ARID1B: variants seen among roughly 807,000 people sequenced by gnomAD.
The protein encoded by ARID1B is AT-rich interactive domain-containing protein 1B.
Under a neutral mutation model 212.3 loss-of-function variants are expected in ARID1B, and 30 were observed. That is an observed-to-expected ratio of 0.14 (90% CI 0.11 to 0.19). ARID1B has a LOEUF of 0.19. ARID1B is among the 10% of genes least tolerant of loss of function. The pLI is 1.00. For missense variants in ARID1B, 2,891 were observed against 3,204.0 expected (o/e 0.90, Z 2.36); for synonymous variants, 1,402 against 1,301.7 (o/e 1.08, Z -1.66).
At chr6:157,073,112 T>C (rs946808286) in intron 4 of ARID1B, among the ~76,000 whole-genome samples, 10 of 151,534 alleles carry the variant, frequency 6.6e-5, no homozygotes, top group Non-Finnish European at 5.9e-5. Flanking sequence ...CTTTTTTTTT[T>C]TTTTTTTGGA....
intron 4 of ARID1B, among the ~76,000 whole-genome samples, chr6:156,986,406 TA>T (rs1562529423): frequency 6.6e-6 from 1 of 152,218 alleles, no homozygotes; most frequent in Admixed American, 6.5e-5. Flanking sequence ...AAAGTTTGTC[TA>T]ATTATTTTTA....
chr6:157,137,464 AGTTT>A (rs1168978635), intron 7 of ARID1B, among the ~76,000 whole-genome samples: 2 of 152,192 alleles, frequency 1.3e-5, no homozygotes, highest in Non-Finnish European at 2.9e-5. Flanking sequence ...TTAATAAGTG[AGTTT>A]GTATGGGAAA....
At chr6:157,020,668 G>T (rs1780178567) in intron 4 of ARID1B, among the ~76,000 whole-genome samples, 1 of 152,146 alleles carries the variant, frequency 6.6e-6, no homozygotes, top group South Asian at 2.1e-4. Context: ...AACAGTGGTG[G>T]TTTCAAACTA....
rs200408920 is a variant in ARID1B, at chr6:157,126,325, G to A, written c.2582-6703G>A. ...AAAGGAGCCTGTGGACCCACACAGCGAATGGGAGACGCAGCCTCTAAACAG... is the reference window on the plus strand; with the variant it reads ...AAAGGAGCCTGTGGACCCACACAGCAAATGGGAGACGCAGCCTCTAAACAG... On this transcript the variant is annotated intron_variant, in intron 6 of 19. Coordinates refer to ENST00000636930, the MANE Select transcript of ARID1B (RefSeq NM_001374828.1). 1.1e-4 allele frequency among the ~76,000 whole-genome samples: 16 copies of A among 152,272 alleles called. No individual in the cohort carries two copies. In the East Asian group the frequency reaches 2.5e-3, roughly 24 times the overall value.
intron 2 of ARID1B, among the ~76,000 whole-genome samples, chr6:156,896,133 A>G (rs1156785359): frequency 6.6e-6 from 1 of 152,210 alleles, no homozygotes. Flanking sequence ...TCTTAGAGTT[A>G]GATTTTGTCC....
At chr6:156,896,301 G>C (rs757688335) in intron 2 of ARID1B, among the ~76,000 whole-genome samples, 4 of 152,134 alleles carry the variant, frequency 2.6e-5, no homozygotes, top group Non-Finnish European at 5.9e-5. Flanking sequence ...TTTAGGCCAG[G>C]CTCAGTAGCT....
At chr6:157,112,957 T>G (rs908172984) in intron 6 of ARID1B, among the ~76,000 whole-genome samples, 1 of 151,910 alleles carries the variant, frequency 6.6e-6, no homozygotes, top group Admixed American at 6.5e-5. Flanking sequence ...GTTTCACTCT[T>G]GTTGCCCAGG....
chr6:157,188,299 G>A (rs1185942862), intron 13 of ARID1B, among the ~76,000 whole-genome samples: 1 of 152,186 alleles, frequency 6.6e-6, no homozygotes, highest in South Asian at 2.1e-4. Flanking sequence ...AGGGCTCACA[G>A]GGACGGATGT....
At chr6:156,890,743 G>A (rs530536286) in intron 2 of ARID1B, among the ~76,000 whole-genome samples, 1 of 152,158 alleles carries the variant, frequency 6.6e-6, no homozygotes, top group Admixed American at 6.5e-5. Flanking sequence ...TCTTTTTCCT[G>A]TTAGTCAAGA....
Position 156,779,205 on chromosome 6 carries a change from C to A in ARID1B, c.1525C>A (p.Pro509Thr). 1 of 1,329,860 alleles carries A rather than the reference C, an allele frequency of 7.5e-7. No individual in the cohort carries two copies. Among genetic ancestry groups the A allele is most frequent in the Admixed American group, 2.5e-5 (1 of 39,634 alleles). 82.4% of individuals were successfully genotyped at this position (1,329,860 alleles called of 1,614,324 possible). ...GACCCTCAATCAGCTGCTCACCTCGCCCAGCCCCATGATGCGGAGCTACGG... is the reference window on the plus strand; with the variant it reads ...GACCCTCAATCAGCTGCTCACCTCGACCAGCCCCATGATGCGGAGCTACGG... ...TPTLNQLLTS[P>T]SPMMRSYGGS... is the part of the protein sequence containing the mutation. The change falls in exon 1 of 20, where the codon CCC becomes ACC. Residue 509 changes from proline to threonine, a missense_variant. Pro to Thr is a conservative substitution (Grantham distance 38, BLOSUM62 -1). This residue lies in a region of ARID1B where 1,643 missense variants were observed against 1,544.0 expected (regional missense o/e 1.06). Coordinates refer to ENST00000636930, the MANE Select transcript of ARID1B (RefSeq NM_001374828.1).
At chr6:156,812,281 G>GC (rs1488214031) in intron 1 of ARID1B, among the ~76,000 whole-genome samples, 8 of 152,162 alleles carry the variant, frequency 5.3e-5, no homozygotes, top group Admixed American at 6.5e-5. Context: ...ACAGGCATGT[G>GC]CCACCACACC....
intron 4 of ARID1B, among the ~76,000 whole-genome samples, chr6:157,041,132 A>T (rs1036263317): frequency 2.0e-5 from 3 of 152,166 alleles, no homozygotes; most frequent in African/African-American, 7.2e-5. Flanking sequence ...TCATGATTTG[A>T]ATATATTATA....
chr6:157,049,171 T>C (rs1782427040), intron 4 of ARID1B, among the ~76,000 whole-genome samples: 1 of 122,746 alleles, frequency 8.1e-6, no homozygotes, highest in Non-Finnish European at 1.7e-5. Context: ...AGACTCAGTC[T>C]GGAGAAAAAA....
rs114373722 is a variant in ARID1B at position 156,843,124 on chromosome 6, C to T, written c.1986+13703C>T. On this transcript the variant is annotated intron_variant, in intron 2 of 19. Transcript: ENST00000636930. ...TTCCAACACTTCATAGTGCCTCCCA[C>T]CCCATTTCCTTTTTCTGAAGAACAG... is the stretch of plus-strand genomic sequence containing the variant. 5.5e-3 allele frequency among the ~76,000 whole-genome samples: 833 copies of T among 152,316 alleles called. 9 individuals are homozygous for T. Among genetic ancestry groups the T allele is most frequent in the African/African-American group, 0.019 (790 of 41,564 alleles).
rs757782629 is a variant in ARID1B at position 156,871,609 on chromosome 6, T to C, written c.1987-29767T>C. On this transcript the variant is annotated intron_variant, in intron 2 of 19. Transcript: ENST00000636930. ...CTCCTAATTACTGTTTTATCCTACT[T>C]TTAGGACTCTGGAGATGCCACATGG... is the stretch of plus-strand genomic sequence containing the variant. The C allele has an allele frequency of 6.2e-6, 10 of 1,611,814 alleles. No homozygotes were observed. In the South Asian group the frequency reaches 9.9e-5, roughly 16 times the overall value.
rs113702446 is a variant in ARID1B at position 156,907,742 on chromosome 6, C to CAA, written c.2136+6232_2136+6233dup. 2.3e-3 allele frequency among the ~76,000 whole-genome samples: 286 copies of CAA among 122,656 alleles called. 3 individuals are homozygous for CAA. Among genetic ancestry groups the CAA allele is most frequent in the South Asian group, 0.013 (50 of 3,900 alleles). The allele number at this position is 122,656 out of a possible 152,430, so 80.5% of individuals were successfully genotyped here. On this transcript the variant is annotated intron_variant, in intron 3 of 19. Coordinates refer to ENST00000636930, the MANE Select transcript of ARID1B (RefSeq NM_001374828.1). ...TGAAATCCCATCTCTACTAAAAATG[C>CAA]AAAAAAAAAAAAAAAATTAGCCAGG... is the stretch of plus-strand genomic sequence containing the variant.
chr6:157,082,819 T>A (rs1784721770), intron 4 of ARID1B, among the ~76,000 whole-genome samples: 1 of 152,240 alleles, frequency 6.6e-6, no homozygotes, highest in Non-Finnish European at 1.5e-5. Context: ...CATTGAAGAT[T>A]TTGTGGAATG....
chr6:157,149,223 C>G (rs537922076), intron 8 of ARID1B: 4 of 439,064 alleles, frequency 9.1e-6, no homozygotes, highest in African/African-American at 7.7e-5. Flanking sequence ...ATAGTCATTG[C>G]AGCAGCAAAC....
At chr6:157,170,113 G>C (rs925362494) in intron 9 of ARID1B, 1 of 152,114 alleles carries the variant, frequency 6.6e-6, no homozygotes, top group African/African-American at 2.4e-5. Context: ...TCTTGAGGTG[G>C]GTCCAGGAAT....
Sources: allele counts gnomAD v4.1 joint callset (sites outside exome capture counted in the v4.1 genomes callset), GRCh38; gene constraint gnomAD v4.1.1; regional missense constraint gnomAD v4.1.1; transcripts MANE v1.5; gene names NCBI Gene and HGNC (gene_info 2026-07-23, HGNC 2026-07-21).